Variants in SMC6 observed in about 807,000 individuals in gnomAD.
SMC6 encodes the protein structural maintenance of chromosomes 6, also known as structural maintenance of chromosomes protein 6.
In SMC6, 79 loss-of-function variants were observed where a neutral mutation model predicts 142.2. That is an observed-to-expected ratio of 0.56 (90% CI 0.46 to 0.67). The LOEUF is 0.67. SMC6 is among the 30% of genes least tolerant of loss of function. The pLI is 0.00. For synonymous variants in SMC6, 411 were observed against 412.4 expected, an observed-to-expected ratio of 1.00 and a Z score of 0.04; for missense variants, 1,072 against 1,284.0, an observed-to-expected ratio of 0.83 and a Z score of 2.52.
intron 8 of SMC6, among the ~76,000 whole-genome samples, chr2:17,726,084 T>C (rs1429043581): frequency 5.0e-5 from 3 of 60,180 alleles, no homozygotes; most frequent in African/African-American, 2.7e-4. Flanking sequence ...CAAGGCTCTG[T>C]CTTAAAAAAA....
At chr2:17,748,631 T>C (rs1670868154) in intron 2 of SMC6, among the ~76,000 whole-genome samples, 1 of 152,236 alleles carries the variant, frequency 6.6e-6, no homozygotes, top group Non-Finnish European at 1.5e-5. Context: ...TTCCCTGAGA[T>C]ACTACCAGGC....
At chr2:17,738,992 C>T (rs1670294490) in intron 4 of SMC6, among the ~76,000 whole-genome samples, 1 of 147,018 alleles carries the variant, frequency 6.8e-6, no homozygotes, top group African/African-American at 2.6e-5. Flanking sequence ...TCCATGTGGA[C>T]AGGAATATTG....
intron 7 of SMC6, among the ~76,000 whole-genome samples, chr2:17,727,272 T>C (rs765822900): frequency 1.1e-4 from 16 of 152,160 alleles, no homozygotes; most frequent in Non-Finnish European, 1.6e-4. Context: ...CACCATCTAA[T>C]TGGCTGCCAG....
At chr2:17,743,850 C>A (rs1287136542) in intron 3 of SMC6, among the ~76,000 whole-genome samples, 3 of 152,136 alleles carry the variant, frequency 2.0e-5, no homozygotes, top group Non-Finnish European at 4.4e-5. Context: ...AGCATGTAGC[C>A]TTTTCTGACT....
intron 2 of SMC6, among the ~76,000 whole-genome samples, chr2:17,748,238 A>G (rs113407538): frequency 0.011 from 1,727 of 152,334 alleles, 19 homozygotes; most frequent in Non-Finnish European, 0.019. Flanking sequence ...CCAGAATCTC[A>G]GGCCCCACCC....
At chr2:17,703,115 T>C (rs1348556487) in intron 19 of SMC6, 42 bp downstream of exon 19, 1 of 1,224,588 alleles carries the variant, frequency 8.2e-7, no homozygotes, top group Non-Finnish European at 1.1e-6. Context: ...TAGTAGTAAG[T>C]TGAAAAAAAC....
rs946919786 is a variant in SMC6, at chr2:17,731,725, G to C, written c.481+16C>G. 7 of 1,604,046 alleles carry C rather than the reference G, an allele frequency of 4.4e-6. No individual in the cohort carries two copies. The highest frequency in any genetic ancestry group is 4.5e-5 in the East Asian group (2 of 44,706). On this transcript the variant is annotated intron_variant, in intron 6 of 27. Coordinates refer to ENST00000448223, the MANE Select transcript of SMC6 (RefSeq NM_001142286.2). ...CCTAATATTTTATAAGAAATGAAAAGAGAATCAAAACAAACCTGTTGCACT... is the reference window on the plus strand; with the variant it reads ...CCTAATATTTTATAAGAAATGAAAACAGAATCAAAACAAACCTGTTGCACT...
intron 23 of SMC6, among the ~76,000 whole-genome samples, chr2:17,690,476 C>A (rs572233435): frequency 3.1e-4 from 47 of 152,172 alleles, no homozygotes; most frequent in African/African-American, 1.1e-3. Context: ...CGCCTGTAAT[C>A]CCAGCTACTC....
chr2:17,745,247 T>C (rs1415589717), intron 3 of SMC6, among the ~76,000 whole-genome samples: 2 of 151,628 alleles, frequency 1.3e-5, no homozygotes, highest in African/African-American at 4.9e-5. Flanking sequence ...CTTATGATTT[T>C]TGGAAAAGAC....
chr2:17,696,186 A>C, intron 22 of SMC6, 103 bp downstream of exon 22: 2 of 1,407,740 alleles, frequency 1.4e-6, no homozygotes, highest in Non-Finnish European at 1.9e-6. Flanking sequence ...ACAGAAATTC[A>C]GACAACTTTT....
intron 24 of SMC6, among the ~76,000 whole-genome samples, chr2:17,683,203 T>C (rs993728319): frequency 1.3e-5 from 2 of 152,196 alleles, no homozygotes; most frequent in African/African-American, 4.8e-5. Context: ...GGTATGATTA[T>C]AGAAACTAGA....
At position 17,717,187 on chromosome 2, in the gene SMC6, A is replaced by T; in HGVS notation, c.1093-11T>A. ...TCGGTTATATAAAACCTAACCAAAA[A>T]AATTAGACACACTTTACAAAAATGA... is the stretch of plus-strand genomic sequence containing the variant. On this transcript the variant is annotated splice_polypyrimidine_tract_variant and intron_variant, in intron 12 of 27. Coordinates refer to ENST00000448223, the MANE Select transcript of SMC6 (RefSeq NM_001142286.2). 6.3e-7 allele frequency: 1 copy of T among 1,578,564 alleles called. No individual in the cohort carries two copies. The highest frequency in any genetic ancestry group is 8.6e-7 in the Non-Finnish European group (1 of 1,161,958).
chr2:17,704,669 A>C (rs1158075514), intron 18 of SMC6, among the ~76,000 whole-genome samples: 1 of 152,190 alleles, frequency 6.6e-6, no homozygotes, highest in Non-Finnish European at 1.5e-5. Flanking sequence ...TTTGTGGTTC[A>C]ATTAGCATTT....
At chr2:17,676,119 G>A (rs1666985981) in intron 25 of SMC6, among the ~76,000 whole-genome samples, 3 of 152,028 alleles carry the variant, frequency 2.0e-5, no homozygotes, top group Non-Finnish European at 4.4e-5. Flanking sequence ...TGTCCAGTTG[G>A]CTGTTAAATC....
At chr2:17,693,560 GA>G (rs1462019056) in intron 23 of SMC6, among the ~76,000 whole-genome samples, 1 of 151,978 alleles carries the variant, frequency 6.6e-6, no homozygotes, top group Non-Finnish European at 1.5e-5. Context: ...TGGGGGGAGG[GA>G]CAGCATTAGG....
intron 23 of SMC6, among the ~76,000 whole-genome samples, chr2:17,686,483 A>T (rs1667459812): frequency 6.6e-6 from 1 of 152,152 alleles, no homozygotes; most frequent in South Asian, 2.1e-4. Context: ...CTCCGTCCCA[A>T]AAAGCAAGGC....
At chr2:17,675,476 C>G (rs1323651583) in intron 25 of SMC6, among the ~76,000 whole-genome samples, 1 of 152,062 alleles carries the variant, frequency 6.6e-6, no homozygotes, top group Non-Finnish European at 1.5e-5. Context: ...ATGTTTCCAT[C>G]TGTGACCATT....
At chr2:17,718,000 A>G (rs1669183286) in intron 12 of SMC6, 77 bp downstream of exon 12, 1 of 1,404,876 alleles carries the variant, frequency 7.1e-7, no homozygotes, top group East Asian at 2.4e-5. Flanking sequence ...AATAAAATAT[A>G]ATAAAAAAGG....
At chr2:17,701,561 G>C (rs920415505) in intron 20 of SMC6, among the ~76,000 whole-genome samples, 2 of 152,128 alleles carry the variant, frequency 1.3e-5, no homozygotes, top group African/African-American at 4.8e-5. Flanking sequence ...CCCTTGTTTA[G>C]AAATACAATT....
Sources: allele counts gnomAD v4.1 joint callset (sites outside exome capture counted in the v4.1 genomes callset), GRCh38; gene constraint gnomAD v4.1.1; transcripts MANE v1.5; gene names NCBI Gene and HGNC (gene_info 2026-07-23, HGNC 2026-07-21).